NWD2: variants seen among roughly 807,000 people sequenced by gnomAD.
The protein encoded by NWD2 is NACHT and WD repeat domain containing 2.
A neutral mutation model predicts 132.7 loss-of-function variants in NWD2; 37 were observed. The observed-to-expected ratio is 0.28, with a 90% CI of 0.21 to 0.37. NWD2 has a LOEUF of 0.37. Ranked by LOEUF, NWD2 falls within the 10% of genes least tolerant of loss-of-function variation. NWD2 has a pLI of 1.00. For missense variants in NWD2, 1,592 were observed against 2,122.4 expected (o/e 0.75, Z 4.91); for synonymous variants, 705 against 803.0 (o/e 0.88, Z 2.06).
intron 1 of NWD2, among the ~76,000 whole-genome samples, chr4:37,293,674 G>A (rs1048507548): frequency 1.3e-5 from 2 of 152,140 alleles, no homozygotes; most frequent in African/African-American, 4.8e-5. Flanking sequence ...ATGGTGGATG[G>A]CATTTGTATT....
At chr4:37,392,511 C>G (rs975471751) in intron 3 of NWD2, among the ~76,000 whole-genome samples, 3 of 152,074 alleles carry the variant, frequency 2.0e-5, no homozygotes, top group African/African-American at 7.2e-5. Flanking sequence ...CCCCTCTGCC[C>G]CCACCCCAGA....
rs968815663 is a variant in NWD2, at chr4:37,445,531, T to C, written c.3543T>C (p.Asp1181=). ...ACATTTCCAGCCCCCAGCTGACTGATGACTTTGATTGCCGAAGAGAAGACA... is the reference window on the plus strand; with the variant it reads ...ACATTTCCAGCCCCCAGCTGACTGACGACTTTGATTGCCGAAGAGAAGACA... ...TEDISSPQLT[D]DFDCRREDSE... The change falls in exon 7 of 7, where the codon GAT becomes GAC. Residue 1181 remains aspartate (D), a synonymous_variant. Coordinates refer to ENST00000309447, the MANE Select transcript of NWD2 (RefSeq NM_001144990.2). This position sits in a 1 kb window ranked among gnomAD's most constrained non-coding sequence, Gnocchi z 4.7. 2.6e-6 allele frequency: 4 copies of C among 1,551,942 alleles called. No individual in the cohort carries two copies. Among genetic ancestry groups the C allele is most frequent in the Non-Finnish European group, 3.5e-6 (4 of 1,147,098 alleles).
chr4:37,420,112 G>A (rs984618861), intron 3 of NWD2, among the ~76,000 whole-genome samples: 3 of 152,082 alleles, frequency 2.0e-5, no homozygotes, highest in Admixed American at 6.5e-5. Context: ...TTGTTAATAG[G>A]GTGAGCGTTA....
At chr4:37,305,863 G>A in intron 1 of NWD2, among the ~76,000 whole-genome samples, 1 of 152,152 alleles carries the variant, frequency 6.6e-6, no homozygotes, top group South Asian at 2.1e-4. Flanking sequence ...TTAATTAATA[G>A]AATTAATGTG....
chr4:37,373,327 C>T (rs1253550686), intron 3 of NWD2, among the ~76,000 whole-genome samples: 2 of 152,178 alleles, frequency 1.3e-5, no homozygotes, highest in Non-Finnish European at 2.9e-5. Context: ...AACTTCATTA[C>T]CATTACCCAC....
chr4:37,312,145 G>T (rs2109281425), intron 1 of NWD2, among the ~76,000 whole-genome samples: 1 of 151,566 alleles, frequency 6.6e-6, no homozygotes, highest in Non-Finnish European at 1.5e-5. Context: ...CTTTAAAGTA[G>T]TTTTTTCCAA....
intron 1 of NWD2, among the ~76,000 whole-genome samples, chr4:37,310,931 A>G (rs1039542373): frequency 3.8e-4 from 58 of 151,104 alleles, no homozygotes; most frequent in African/African-American, 1.4e-3. Flanking sequence ...ATGATTTCCA[A>G]TTTCATCCAT....
At chr4:37,317,490 A>G (rs1718981766) in intron 1 of NWD2, among the ~76,000 whole-genome samples, 1 of 152,176 alleles carries the variant, frequency 6.6e-6, no homozygotes, top group African/African-American at 2.4e-5. Flanking sequence ...TTCAGCTCCT[A>G]ATCAAGTTAA....
chr4:37,376,616 C>T (rs766499807), intron 3 of NWD2, among the ~76,000 whole-genome samples: 20 of 152,116 alleles, frequency 1.3e-4, no homozygotes, highest in Admixed American at 4.6e-4. Context: ...TAATCCTGAT[C>T]CTACAAACCT....
rs2109329235 is a variant in NWD2 at position 37,439,049 on chromosome 4, A to G, written c.955A>G (p.Thr319Ala). The G allele has an allele frequency of 1.9e-6, 3 of 1,551,782 alleles. No individual in the cohort carries two copies. Among genetic ancestry groups the G allele is most frequent in the Non-Finnish European group, 2.6e-6 (3 of 1,146,972 alleles). ...IVASSNLRVYTSVTHCDMKLG... is the reference protein window; with the variant it reads ...IVASSNLRVYASVTHCDMKLG... The stretch of plus-strand genomic sequence containing the variant: ...TGCATCATCTAATCTGAGAGTGTAC[A>G]CATCTGTTACTCATTGTGACATGAA... The change falls in exon 6 of 7, where the codon ACA becomes GCA. Residue 319 changes from threonine (T) to alanine (A), a missense_variant. Thr to Ala is a moderately conservative substitution (Grantham distance 58, BLOSUM62 0). Around this residue, in one of 7 missense-constraint regions of NWD2, gnomAD observed 1,071 missense variants for 1,398.0 expected, o/e 0.77. Transcript: ENST00000309447. The surrounding 1 kb of genome is among the most constrained non-coding windows in gnomAD (Gnocchi z 4.5).
chr4:37,289,452 T>C (rs970640023), intron 1 of NWD2, among the ~76,000 whole-genome samples: 1 of 152,218 alleles, frequency 6.6e-6, no homozygotes, highest in Non-Finnish European at 1.5e-5. Flanking sequence ...TAAACACTTA[T>C]ATACTTACCC....
chr4:37,324,659 A>G (rs1021676144), intron 1 of NWD2, among the ~76,000 whole-genome samples: 1 of 152,118 alleles, frequency 6.6e-6, no homozygotes, highest in Non-Finnish European at 1.5e-5. Flanking sequence ...TTAGAACTAT[A>G]TTGAATCTAA....
At chr4:37,327,325 GA>G (rs1253416203) in intron 2 of NWD2, among the ~76,000 whole-genome samples, 2 of 152,016 alleles carry the variant, frequency 1.3e-5, no homozygotes, top group Non-Finnish European at 2.9e-5. Context: ...GGGAGAAAGA[GA>G]AAAAAAGTAT....
At chr4:37,265,650 G>C (rs1012509550) in intron 1 of NWD2, among the ~76,000 whole-genome samples, 4 of 151,856 alleles carry the variant, frequency 2.6e-5, no homozygotes, top group African/African-American at 9.7e-5. Context: ...CTCTCTCTCT[G>C]TGACCTCTGC....
chr4:37,446,648 T>C lies in NWD2; in HGVS notation c.4660T>C (p.Tyr1554His). The change falls in exon 7 of 7, where the codon TAC (tyrosine) becomes CAC (histidine). Residue 1554 changes from tyrosine to histidine, a missense_variant. By Grantham distance (83) the Tyr-to-His change is moderately conservative. This residue lies in a region of NWD2 where 257 missense variants were observed against 335.0 expected (regional missense o/e 0.77). Transcript: ENST00000309447. The surrounding 1 kb of genome is among the most constrained non-coding windows in gnomAD (Gnocchi z 6.7). The part of the protein sequence containing the change: ...GDENINVLDL[Y>H]SGKLRVVHAS... ...TGAAAACATCAATGTGCTAGATTTA[T>C]ACAGTGGTAAATTGCGGGTGGTTCA... 6.4e-7 allele frequency: 1 copy of C among 1,551,524 alleles called. No homozygotes were observed. The highest frequency in any genetic ancestry group is 2.4e-5 in the East Asian group (1 of 40,904).
intron 3 of NWD2, among the ~76,000 whole-genome samples, chr4:37,408,166 C>T (rs1039478606): frequency 1.3e-5 from 2 of 152,126 alleles, no homozygotes; most frequent in African/African-American, 4.8e-5. Flanking sequence ...GCCTGGAACC[C>T]CAGCAAGACA....
At chr4:37,378,997 ACT>A (rs1720401445) in intron 3 of NWD2, among the ~76,000 whole-genome samples, 1 of 152,174 alleles carries the variant, frequency 6.6e-6, no homozygotes, top group Non-Finnish European at 1.5e-5. Flanking sequence ...ACATTTTGTA[ACT>A]CAACTTTCAA....
intron 1 of NWD2, among the ~76,000 whole-genome samples, chr4:37,276,629 T>G (rs1216331127): frequency 6.6e-6 from 1 of 152,080 alleles, no homozygotes; most frequent in Non-Finnish European, 1.5e-5. Context: ...TATAAATCCT[T>G]TATATCCTTT....
intron 3 of NWD2, among the ~76,000 whole-genome samples, chr4:37,424,732 A>T (rs1552020): frequency 1.3e-5 from 2 of 152,166 alleles, no homozygotes; most frequent in African/African-American, 2.4e-5. Context: ...GCCCAACAAA[A>T]CATGGCATCC....
Sources: gnomAD v4.1 joint callset for allele counts (sites outside exome capture counted in the v4.1 genomes callset) on GRCh38, gnomAD v4.1.1 for gene constraint, gnomAD v4.1.1 regional missense constraint, Gnocchi (gnomAD v3.1) non-coding constraint, MANE v1.5 for transcripts, NCBI Gene and HGNC (gene_info 2026-07-23, HGNC 2026-07-21) for gene names.